Variants in HEPACAM2 observed in about 807,000 individuals in gnomAD.
HEPACAM2 encodes HEPACAM family member 2.
A neutral mutation model predicts 49.6 loss-of-function variants in HEPACAM2; 49 were observed. The ratio of observed to expected loss-of-function variants is 0.99; its 90% CI spans 0.78 to 1.25. The LOEUF (loss-of-function observed/expected upper bound fraction) is 1.25. HEPACAM2 is among the 50% of genes most tolerant of loss of function. The pLI, the probability that HEPACAM2 is intolerant of heterozygous loss-of-function variation, is 0.00. For missense variants in HEPACAM2, 525 were observed against 557.2 expected (o/e 0.94, Z 0.58); for synonymous variants, 197 against 202.9 (o/e 0.97, Z 0.25).
chr7:93,214,201 C>A (rs762079529), intron 3 of HEPACAM2, among the ~76,000 whole-genome samples: 6 of 151,948 alleles, frequency 3.9e-5, no homozygotes, highest in Non-Finnish European at 8.8e-5. Context: ...ATCAAATAAT[C>A]TATAAATGAA....
chr7:93,207,204 T>C (rs747377454), intron 4 of HEPACAM2, among the ~76,000 whole-genome samples: 4 of 152,136 alleles, frequency 2.6e-5, no homozygotes, highest in East Asian at 1.9e-4. Flanking sequence ...TATGGGTCTT[T>C]TTCTAGGTAC....
At chr7:93,229,892 G>A (rs1794594647), upstream of HEPACAM2, among the ~76,000 whole-genome samples, 1 of 152,108 alleles carries the variant, frequency 6.6e-6, no homozygotes, top group African/African-American at 2.4e-5. Flanking sequence ...AATGAATAAC[G>A]TAAGGTTCAA....
At chr7:93,221,877 C>T (rs1794458258) in intron 1 of HEPACAM2, among the ~76,000 whole-genome samples, 2 of 152,172 alleles carry the variant, frequency 1.3e-5, no homozygotes, top group Admixed American at 6.5e-5. Flanking sequence ...AAAGCAGTTA[C>T]AAAGATGAGA....
At chr7:93,213,443 A>G (rs1794227023) in intron 3 of HEPACAM2, among the ~76,000 whole-genome samples, 1 of 152,078 alleles carries the variant, frequency 6.6e-6, no homozygotes, top group African/African-American at 2.4e-5. Flanking sequence ...GCCTTTAGAA[A>G]ACAGAATACT....
intron 3 of HEPACAM2, among the ~76,000 whole-genome samples, chr7:93,214,174 A>T (rs1394265935): frequency 1.3e-5 from 2 of 152,152 alleles, no homozygotes; most frequent in Admixed American, 6.6e-5. Context: ...CAAGACCCTG[A>T]TGTTTCATTT....
In HEPACAM2 at chr7:93,215,547, T is replaced by G; in HGVS notation, c.569A>C (p.His190Pro). ...AGAAAAGGAGTAGGTGGAGCTGGTG[T>G]GGACAGGTCTCCCATTTTTTAGCCA... ...YQWLKNGRPV[H>P]TSSTYSFSPQ... is the part of the protein sequence containing the mutation. The change falls in exon 3 of 10, where the codon CAC becomes CCC. Residue 190 changes from histidine (H) to proline (P), a missense_variant. His to Pro is a moderately conservative substitution (Grantham distance 77). Transcript: ENST00000394468. The G allele has an allele frequency of 6.2e-7, 1 of 1,613,844 alleles. No individual in the cohort carries two copies. Among genetic ancestry groups the G allele is most frequent in the Non-Finnish European group, 8.5e-7 (1 of 1,179,852 alleles).
At position 93,226,374 on chromosome 7, in the gene HEPACAM2, G is replaced by C; in HGVS notation, c.73C>G (p.Leu25Val). ...GVFQCKIYLL[L>V]FGACSGLKVT... Reference sequence around the variant, plus strand: ...AATTCACACAGGGCCTTACCGAAGAGAAGGAGGTATATTTTGCACTGAAAG... The same window carrying C: ...AATTCACACAGGGCCTTACCGAAGACAAGGAGGTATATTTTGCACTGAAAG... The change falls in exon 1 of 10, where the codon CTC becomes GTC. Residue 25 changes from leucine (L) to valine (V), a missense_variant. Leu to Val is a conservative substitution (Grantham distance 32). Transcript: ENST00000394468. 6.2e-7 allele frequency: 1 copy of C among 1,610,352 alleles called. No homozygotes were observed. Among genetic ancestry groups the C allele is most frequent in the African/African-American group, 1.3e-5 (1 of 74,792 alleles).
At chr7:93,209,627 C>T (rs1437787742) in intron 3 of HEPACAM2, among the ~76,000 whole-genome samples, 1 of 151,938 alleles carries the variant, frequency 6.6e-6, no homozygotes, top group Non-Finnish European at 1.5e-5. Context: ...TCTCTAGTAA[C>T]TACTATTCTA....
intron 2 of HEPACAM2, 99 bp from the exon 3 acceptor site, chr7:93,215,784 C>G: frequency 1.7e-6 from 2 of 1,190,782 alleles, no homozygotes; most frequent in Middle Eastern, 2.2e-4. Context: ...AGAAATTATT[C>G]CAGCATTTTA....
intron 4 of HEPACAM2, among the ~76,000 whole-genome samples, chr7:93,204,180 C>T (rs575242086): frequency 6.6e-6 from 1 of 152,256 alleles, no homozygotes; most frequent in East Asian, 1.9e-4. Context: ...CTCAGGATCA[C>T]GTACAAATTG....
chr7:93,198,306 T>C (rs1371362241), intron 4 of HEPACAM2, among the ~76,000 whole-genome samples: 5 of 152,212 alleles, frequency 3.3e-5, no homozygotes, highest in East Asian at 1.9e-4. Flanking sequence ...GGGTGCATGA[T>C]ACATATTAAC....
chr7:93,206,821 G>T (rs979489586), intron 4 of HEPACAM2, among the ~76,000 whole-genome samples: 1 of 151,876 alleles, frequency 6.6e-6, no homozygotes, highest in Non-Finnish European at 1.5e-5. Context: ...TTTTCCTCCT[G>T]GTACCAAGGA....
chr7:93,196,095 G>A (rs780324620), intron 7 of HEPACAM2, among the ~76,000 whole-genome samples, 194 bp from the exon 8 acceptor site: 5 of 152,058 alleles, frequency 3.3e-5, no homozygotes, highest in Admixed American at 1.3e-4. Flanking sequence ...GCTGAGAATC[G>A]AAACTGAATT....
At chr7:93,197,686 T>C (rs899374372) in intron 4 of HEPACAM2, 76 bp from the exon 5 acceptor site, 2 of 1,031,158 alleles carry the variant, frequency 1.9e-6, no homozygotes, top group Non-Finnish European at 2.8e-6. Flanking sequence ...TGCCGTATTT[T>C]AAATGAGACG....
intron 1 of HEPACAM2, among the ~76,000 whole-genome samples, chr7:93,223,106 C>T (rs1303209472): frequency 6.6e-6 from 1 of 152,156 alleles, no homozygotes; most frequent in Non-Finnish European, 1.5e-5. Flanking sequence ...AGCCTAGAAA[C>T]CACCATTAGG....
At chr7:93,194,965 T>C (rs982427506) in intron 8 of HEPACAM2, among the ~76,000 whole-genome samples, 5 of 144,242 alleles carry the variant, frequency 3.5e-5, no homozygotes, top group African/African-American at 1.3e-4. Context: ...TTCAACTATA[T>C]GAAAGCTCCT....
the HEPACAM2 span, among the ~76,000 whole-genome samples, chr7:93,231,844 C>T: frequency 3.3e-5 from 5 of 152,244 alleles, no homozygotes; most frequent in South Asian, 1.0e-3. Flanking sequence ...CAGCCCTAAA[C>T]CTGGAGGGCC....
chr7:93,214,247 A>C (rs1794248484), intron 3 of HEPACAM2, among the ~76,000 whole-genome samples: 1 of 152,150 alleles, frequency 6.6e-6, no homozygotes, highest in Non-Finnish European at 1.5e-5. Flanking sequence ...GAATGAATGA[A>C]TATCAATAAG....
rs1202030457 is a variant in HEPACAM2 at position 93,197,269 on chromosome 7, T to C, written c.1173A>G (p.Thr391=). The part of the protein sequence containing the change: ...IKQKLEGRPE[T]EYRKAQTFSG... ...AAAATGTTTGAGCTTTCCTGTATTCTGTTTCTGGCCTGAAAAGACAAAATA... is the reference window on the plus strand; with the variant it reads ...AAAATGTTTGAGCTTTCCTGTATTCCGTTTCTGGCCTGAAAAGACAAAATA... Residue 391 remains threonine, a synonymous_variant, in exon 7 of 10, where the codon ACA becomes ACG. Coordinates refer to ENST00000394468, the MANE Select transcript of HEPACAM2 (RefSeq NM_001039372.4). The C allele has an allele frequency of 1.2e-6, 2 of 1,611,282 alleles. No homozygotes were observed. The highest frequency in any genetic ancestry group is 1.3e-5 in the African/African-American group (1 of 74,824).
Sources: gnomAD v4.1 joint callset for allele counts (sites outside exome capture counted in the v4.1 genomes callset) on GRCh38, gnomAD v4.1.1 for gene constraint, MANE v1.5 for transcripts, NCBI Gene and HGNC (gene_info 2026-07-23, HGNC 2026-07-21) for gene names.